CD2AP: variants seen among roughly 807,000 people sequenced by gnomAD.
CD2AP encodes the protein CD2 associated protein, also known as CD2-associated protein.
Under a neutral mutation model 85.1 loss-of-function variants are expected in CD2AP, and 46 were observed. The observed-to-expected ratio is 0.54, with a 90% CI of 0.43 to 0.69. CD2AP has a LOEUF of 0.69. Ranked by LOEUF, CD2AP falls within the 30% of genes least tolerant of loss-of-function variation. The pLI is 0.00. For synonymous variants in CD2AP, 255 were observed against 252.9 expected (o/e 1.01, Z -0.08); for missense variants, 769 against 729.5 (o/e 1.05, Z -0.62).
At chr6:47,620,372 GT>G (rs900448300) in intron 17 of CD2AP, among the ~76,000 whole-genome samples, 1 of 152,086 alleles carries the variant, frequency 6.6e-6, no homozygotes, top group Non-Finnish European at 1.5e-5. Flanking sequence ...AAGTATTTGG[GT>G]TTATTTCTGA....
intron 3 of CD2AP, among the ~76,000 whole-genome samples, chr6:47,536,468 A>G (rs948960167): frequency 1.3e-5 from 2 of 152,182 alleles, no homozygotes; most frequent in Non-Finnish European, 2.9e-5. Flanking sequence ...GTATGTGTTG[A>G]ATTTTGTCTA....
rs9357546 is a variant in CD2AP at position 47,581,759 on chromosome 6, C to T, written c.1046-244C>T. 0.27 allele frequency among the ~76,000 whole-genome samples: 40,833 copies of T among 151,898 alleles called. 5,677 individuals carry two copies. The highest frequency in any genetic ancestry group is 0.33 in the African/African-American group (13,508 of 41,410). The stretch of plus-strand genomic sequence containing the variant: ...ACCACAGCTCTTCCATACTGCAGTA[C>T]GGTAGAGGATATGATCTCTAACACC... On this transcript the variant is annotated intron_variant, in intron 10 of 17. Coordinates refer to ENST00000359314, the MANE Select transcript of CD2AP (RefSeq NM_012120.3).
chr6:47,579,846 T>C lies in CD2AP; in HGVS notation c.1008+357T>C, dbSNP rs114212404. 1,324 of 200,662 alleles carry C rather than the reference T, an allele frequency of 6.6e-3. 17 individuals carry two copies. The highest frequency in any genetic ancestry group is 0.029 in the African/African-American group (1,237 of 42,100). 12.4% of individuals were successfully genotyped at this position (200,662 alleles called of 1,614,324 possible). A position where few individuals can be genotyped will look rare whatever the true frequency, so the allele number is the denominator to read the frequency against. On this transcript the variant is annotated intron_variant, in intron 9 of 17. Coordinates refer to ENST00000359314, the MANE Select transcript of CD2AP (RefSeq NM_012120.3). The stretch of plus-strand genomic sequence containing the variant: ...AGTTTATTTTAAGGTCTTGTGGATA[T>C]TGCTGTTATGCTGTTGGTGCATTTT...
At chr6:47,496,373 CT>C (rs1413365836) in intron 1 of CD2AP, among the ~76,000 whole-genome samples, 1 of 152,112 alleles carries the variant, frequency 6.6e-6, no homozygotes, top group East Asian at 1.9e-4. Flanking sequence ...TTACGATTTT[CT>C]TTCCTCTTTG....
intron 11 of CD2AP, among the ~76,000 whole-genome samples, chr6:47,591,824 CT>C (rs1334937453): frequency 1.3e-5 from 2 of 151,910 alleles, no homozygotes; most frequent in Admixed American, 6.6e-5. Flanking sequence ...TAACTCTTTT[CT>C]GTATTTCATT....
intron 5 of CD2AP, among the ~76,000 whole-genome samples, chr6:47,560,800 CTA>C (rs752061300): frequency 2.0e-5 from 3 of 152,098 alleles, no homozygotes; most frequent in Non-Finnish European, 4.4e-5. Context: ...TACTTTGAGA[CTA>C]TGTAAATATG....
At chr6:47,483,172 C>T (rs1401381011) in intron 1 of CD2AP, among the ~76,000 whole-genome samples, 2 of 152,190 alleles carry the variant, frequency 1.3e-5, no homozygotes, top group Non-Finnish European at 2.9e-5. Flanking sequence ...TCAGATTTAA[C>T]ACAAGCAGGA....
At chr6:47,558,979 T>G (rs1767770728) in intron 5 of CD2AP, among the ~76,000 whole-genome samples, 1 of 152,226 alleles carries the variant, frequency 6.6e-6, no homozygotes, top group Non-Finnish European at 1.5e-5. Context: ...TGGTAGGCTA[T>G]TAATTACTGC....
At chr6:47,542,999 A>G (rs1253407071) in intron 3 of CD2AP, among the ~76,000 whole-genome samples, 1 of 151,948 alleles carries the variant, frequency 6.6e-6, no homozygotes, top group Non-Finnish European at 1.5e-5. Flanking sequence ...AAAAATACAA[A>G]AATTAGCTGG....
At chr6:47,516,138 G>T (rs1028313376) in intron 2 of CD2AP, among the ~76,000 whole-genome samples, 2 of 152,170 alleles carry the variant, frequency 1.3e-5, no homozygotes, top group Non-Finnish European at 2.9e-5. Context: ...AGTTTACATT[G>T]TGGTACCAAC....
chr6:47,544,094 A>G (rs1767303854), intron 3 of CD2AP, among the ~76,000 whole-genome samples: 3 of 140,954 alleles, frequency 2.1e-5, no homozygotes, highest in Non-Finnish European at 4.9e-5. Flanking sequence ...CTAAAGTAAA[A>G]TTATCTTCAA....
chr6:47,559,282 C>T (rs1767783943), intron 5 of CD2AP, among the ~76,000 whole-genome samples: 1 of 146,006 alleles, frequency 6.8e-6, no homozygotes, highest in Non-Finnish European at 1.5e-5. Flanking sequence ...TTTTAACAGG[C>T]AGGGTTTCAC....
intron 4 of CD2AP, chr6:47,544,924 T>C: frequency 2.2e-6 from 1 of 462,998 alleles, no homozygotes; most frequent in South Asian, 3.0e-5. Context: ...TAAAAATTAA[T>C]GAAATCTAAG....
chr6:47,595,158 A>C (rs1768905851), intron 11 of CD2AP, among the ~76,000 whole-genome samples: 3 of 152,016 alleles, frequency 2.0e-5, no homozygotes. Flanking sequence ...ATAAAAGAGT[A>C]CTTGTTGCCT....
intron 11 of CD2AP, chr6:47,582,281 G>A (rs1768501455): frequency 2.2e-6 from 1 of 455,440 alleles, no homozygotes; most frequent in South Asian, 2.7e-5. Flanking sequence ...GTAGGATGTT[G>A]TCTTTATTCA....
chr6:47,492,020 A>G (rs1345012449), intron 1 of CD2AP, among the ~76,000 whole-genome samples: 1 of 152,082 alleles, frequency 6.6e-6, no homozygotes, highest in Non-Finnish European at 1.5e-5. Context: ...TGGTTCTTAT[A>G]AATGCTTTTA....
intron 13 of CD2AP, among the ~76,000 whole-genome samples, chr6:47,599,730 CTG>C (rs1562051163): frequency 1.3e-5 from 2 of 152,006 alleles, no homozygotes; most frequent in African/African-American, 4.8e-5. Context: ...AGTGGAATGA[CTG>C]TACTACCCAA....
chr6:47,514,374 A>AC (rs1229805308), intron 2 of CD2AP, among the ~76,000 whole-genome samples: 10 of 152,210 alleles, frequency 6.6e-5, no homozygotes, highest in African/African-American at 2.2e-4. Flanking sequence ...ACTGAGGAGA[A>AC]ACCAGGCTAA....
At chr6:47,481,513 T>C (rs1468636380) in intron 1 of CD2AP, among the ~76,000 whole-genome samples, 1 of 152,132 alleles carries the variant, frequency 6.6e-6, no homozygotes, top group African/African-American at 2.4e-5. Flanking sequence ...GCCCAGCTAA[T>C]TTTTGCATTT....
Sources: gnomAD v4.1 joint callset for allele counts (sites outside exome capture counted in the v4.1 genomes callset) on GRCh38, gnomAD v4.1.1 for gene constraint, MANE v1.5 for transcripts, NCBI Gene and HGNC (gene_info 2026-07-23, HGNC 2026-07-21) for gene names.